The following WDR44 variants were observed in gnomAD, a reference collection of about 807,000 sequenced individuals.
WDR44 encodes WD repeat-containing protein 44.
In WDR44, 9 loss-of-function variants were observed where a neutral mutation model predicts 65.7. The observed-to-expected ratio is 0.14, with a 90% CI of 0.08 to 0.24. The LOEUF (loss-of-function observed/expected upper bound fraction) is 0.24. Ranked by LOEUF, WDR44 falls within the 10% of genes least tolerant of loss-of-function variation. The pLI is 1.00. For synonymous variants in WDR44, 220 were observed against 235.2 expected, an observed-to-expected ratio of 0.94 and a Z score of 0.59; for missense variants, 425 against 670.9, an observed-to-expected ratio of 0.63 and a Z score of 4.05.
chrX:118,365,058 T>TA (rs1375299600), intron 1 of WDR44, among the ~76,000 whole-genome samples: 11 of 112,037 alleles, frequency 9.8e-5, no homozygotes, highest in Admixed American at 2.9e-4. Flanking sequence ...GTGTTCCTTT[T>TA]AAAATGAATC....
At chrX:118,368,459 C>CTATATATATATATATATATATATACATA (rs757542334) in intron 1 of WDR44, among the ~76,000 whole-genome samples, 1 of 72,921 alleles carries the variant, frequency 1.4e-5, no homozygotes, top group Non-Finnish European at 2.4e-5. Context: ...GAAATAGTGA[C>CTATATATATATATATATATATATACATA]TATATATATA....
intron 12 of WDR44, among the ~76,000 whole-genome samples, chrX:118,418,625 T>C (rs765063626): frequency 1.1e-4 from 12 of 110,958 alleles, no homozygotes; most frequent in African/African-American, 3.9e-4. Context: ...TTCTTAGCTT[T>C]GGTGGTTTAA....
chrX:118,434,050 C>T (rs2057233906), intron 13 of WDR44, among the ~76,000 whole-genome samples: 1 of 112,077 alleles, frequency 8.9e-6, no homozygotes, highest in Non-Finnish European at 1.9e-5. Flanking sequence ...ACTCTCTAGC[C>T]CATTCCAGTG....
In WDR44 at chrX:118,393,001, G is replaced by C. The variant is rs1235044498; in HGVS notation, c.556G>C (p.Gly186Arg). The change falls in exon 4 of 20, where the codon GGT (glycine) becomes CGT (arginine). Residue 186 changes from glycine (G) to arginine (R), a missense_variant. Physicochemically the swap from Gly to Arg is moderately radical, Grantham distance 125. Transcript: ENST00000254029. ...CAAGGAAGCAGTGGAAGTCAAAGGAGGTGGTGATGTTTTAGAGCCTGTGTC... is the reference window on the plus strand; with the variant it reads ...CAAGGAAGCAGTGGAAGTCAAAGGACGTGGTGATGTTTTAGAGCCTGTGTC... ...LNKEAVEVKGGGDVLEPVSSD... is the reference protein window; with the variant it reads ...LNKEAVEVKGRGDVLEPVSSD... 1 of 1,212,171 alleles carries C rather than the reference G, an allele frequency of 8.2e-7. No homozygotes were observed. The highest frequency in any genetic ancestry group is 1.8e-5 in the South Asian group (1 of 57,013).
Position 118,425,795 on chromosome X carries a change from G to A in WDR44, c.1738-6986G>A, listed in dbSNP as rs1209689512. ...ACTTTATAATATCTTTAGATAGGCC[G>A]GGCATGGTGGCCCATACCTGTAATC... On this transcript the variant is annotated intron_variant, in intron 12 of 19. Transcript: ENST00000254029. 2.7e-5 allele frequency among the ~76,000 whole-genome samples: 3 copies of A among 110,141 alleles called. No homozygotes were observed. The South Asian group carries it at 1.1e-3, about 42-fold the overall frequency.
chrX:118,421,290 C>T (rs1050865212), intron 12 of WDR44, among the ~76,000 whole-genome samples: 3 of 112,199 alleles, frequency 2.7e-5, no homozygotes, highest in Admixed American at 9.5e-5. Flanking sequence ...TATAGATCCT[C>T]AGCTACATCC....
chrX:118,414,329 G>A (rs1227921978), intron 12 of WDR44, among the ~76,000 whole-genome samples: 1 of 93,894 alleles, frequency 1.1e-5, no homozygotes, highest in Non-Finnish European at 2.0e-5. Flanking sequence ...TATACCCAAA[G>A]GACTATAAAT....
At chrX:118,371,525 G>A (rs2056613738) in intron 1 of WDR44, among the ~76,000 whole-genome samples, 1 of 111,768 alleles carries the variant, frequency 8.9e-6, no homozygotes, top group African/African-American at 3.2e-5. Context: ...TACCATATTT[G>A]TAATTAGTAT....
At chrX:118,363,640 A>AT (rs910544666) in intron 1 of WDR44, among the ~76,000 whole-genome samples, 19 of 111,194 alleles carry the variant, frequency 1.7e-4, no homozygotes, top group African/African-American at 5.6e-4. Flanking sequence ...GACAGGATGT[A>AT]TTTTTTTATG....
chrX:118,447,763 G>A (rs916845345), intron 19 of WDR44, among the ~76,000 whole-genome samples: 2 of 106,676 alleles, frequency 1.9e-5, no homozygotes, highest in African/African-American at 6.8e-5. Context: ...GCGCATGCCT[G>A]TAGGGAGGCT....
intron 8 of WDR44, 58 bp downstream of exon 8, chrX:118,398,528 A>G: frequency 1.0e-6 from 1 of 958,721 alleles, no homozygotes; most frequent in African/African-American, 1.9e-5. Context: ...AAAATATGAG[A>G]ACTACCATAC....
chrX:118,407,276 G>A (rs1003271164), intron 10 of WDR44, among the ~76,000 whole-genome samples: 5 of 111,652 alleles, frequency 4.5e-5, no homozygotes, highest in Non-Finnish European at 7.5e-5. Context: ...CAAGACAGGC[G>A]GATCACTTGA....
At chrX:118,376,129 G>T (rs2056657663) in intron 1 of WDR44, among the ~76,000 whole-genome samples, 1 of 110,377 alleles carries the variant, frequency 9.1e-6, no homozygotes, top group Non-Finnish European at 1.9e-5. Flanking sequence ...GTAGAGATGG[G>T]GTGTCACTAT....
At chrX:118,409,051 G>C (rs967797854) in intron 10 of WDR44, among the ~76,000 whole-genome samples, 1 of 112,191 alleles carries the variant, frequency 8.9e-6, no homozygotes, top group Admixed American at 9.5e-5. Context: ...AGTAGTGTTA[G>C]CAATTTGAGC....
At chrX:118,381,550 T>G (rs1301859400) in intron 2 of WDR44, among the ~76,000 whole-genome samples, 1 of 104,721 alleles carries the variant, frequency 9.5e-6, no homozygotes, top group Non-Finnish European at 1.9e-5. Flanking sequence ...TCCTTGCTTT[T>G]CTTTTCTTTT....
chrX:118,441,478 C>T lies in WDR44; in HGVS notation c.2085C>T (p.Ile695=). The T allele has an allele frequency of 8.3e-7, 1 of 1,211,197 alleles. No individual in the cohort carries two copies. The highest frequency in any genetic ancestry group is 1.1e-6 in the Non-Finnish European group (1 of 895,105). The change falls in exon 15 of 20, where the codon ATC becomes ATT. Residue 695 remains isoleucine (I), a synonymous_variant. Coordinates refer to ENST00000254029, the MANE Select transcript of WDR44 (RefSeq NM_019045.5). ...AAGTAGATGGTCAGACAAAATTGAT[C>T]ACAGCTGCAAATTTCTGTCAGAATG... ...WNEVDGQTKL[I]TAANFCQNGK...
intron 1 of WDR44, among the ~76,000 whole-genome samples, chrX:118,350,534 A>G (rs1377555098): frequency 8.9e-6 from 1 of 111,790 alleles, no homozygotes; most frequent in East Asian, 2.8e-4. Flanking sequence ...TTGTATTGAT[A>G]AGCTTTTGTT....
At chrX:118,372,096 G>A (rs959662945) in intron 1 of WDR44, among the ~76,000 whole-genome samples, 16 of 106,559 alleles carry the variant, frequency 1.5e-4, no homozygotes, top group Non-Finnish European at 2.9e-4. Flanking sequence ...GGGTATGTAC[G>A]TGTATGTCTG....
intron 2 of WDR44, among the ~76,000 whole-genome samples, chrX:118,383,551 A>T (rs1235989040): frequency 2.7e-5 from 3 of 112,163 alleles, no homozygotes; most frequent in African/African-American, 9.7e-5. Flanking sequence ...TCCTACTGAT[A>T]AACAGTTATT....
Sources: allele counts gnomAD v4.1 joint callset (sites outside exome capture counted in the v4.1 genomes callset), GRCh38; gene constraint gnomAD v4.1.1; transcripts MANE v1.5; gene names NCBI Gene and HGNC (gene_info 2026-07-23, HGNC 2026-07-21).